Variants in BUB1B observed in about 807,000 individuals in gnomAD.
BUB1B encodes the protein mitotic checkpoint serine/threonine-protein kinase BUB1 beta.
In BUB1B, 86 loss-of-function variants were observed where a neutral mutation model predicts 137.7. The ratio of observed to expected loss-of-function variants is 0.62; its 90% CI spans 0.52 to 0.75. The LOEUF is 0.75. BUB1B is among the 30% of genes least tolerant of loss of function. The pLI is 0.00. For missense variants in BUB1B, 1,130 were observed against 1,236.9 expected, an observed-to-expected ratio of 0.91 and a Z score of 1.30; for synonymous variants, 420 against 417.9, an observed-to-expected ratio of 1.00 and a Z score of -0.06.
chr15:40,201,118 T>C (rs112864560), intron 12 of BUB1B, 138 bp downstream of exon 12: 2 of 706,550 alleles, frequency 2.8e-6, no homozygotes, highest in South Asian at 3.9e-5. Context: ...TATAAGCATA[T>C]GCTTTATGAT....
intron 9 of BUB1B, among the ~76,000 whole-genome samples, chr15:40,197,376 C>G (rs2037511454): frequency 6.6e-6 from 1 of 151,816 alleles, no homozygotes; most frequent in Non-Finnish European, 1.5e-5. Context: ...GATTCTGGAG[C>G]CTGGAGTACT....
At chr15:40,167,718 AAAC>A (rs1252318839) in intron 2 of BUB1B, among the ~76,000 whole-genome samples, 1 of 151,988 alleles carries the variant, frequency 6.6e-6, no homozygotes, top group African/African-American at 2.4e-5. Context: ...GGGTTGGAGT[AAAC>A]AAGTTTTTTT....
In BUB1B at chr15:40,183,894, T is replaced by C; in HGVS notation, c.751+11T>C. The C allele has an allele frequency of 6.2e-7, 1 of 1,613,658 alleles. No homozygotes were observed. The highest frequency in any genetic ancestry group is 1.1e-5 in the South Asian group (1 of 91,046). ...GAGGTGCTCTCAAGGGTAAGTTTGTTAAACGTTATTTCGGAAAACTGTTAG... is the reference window on the plus strand; with the variant it reads ...GAGGTGCTCTCAAGGGTAAGTTTGTCAAACGTTATTTCGGAAAACTGTTAG... On this transcript the variant is annotated intron_variant, in intron 6 of 22. Coordinates refer to ENST00000287598, the MANE Select transcript of BUB1B (RefSeq NM_001211.6).
At chr15:40,161,440 C>T (rs1762213864) in intron 1 of BUB1B, among the ~76,000 whole-genome samples, 185 bp downstream of exon 1, 1 of 152,094 alleles carries the variant, frequency 6.6e-6, no homozygotes, top group Non-Finnish European at 1.5e-5. Context: ...ACTGAGGGCA[C>T]GTGCGAATCC....
At chr15:40,204,744 C>T (rs935024918) in intron 14 of BUB1B, among the ~76,000 whole-genome samples, 1 of 151,764 alleles carries the variant, frequency 6.6e-6, no homozygotes, top group African/African-American at 2.4e-5. Flanking sequence ...TCAAGCATTC[C>T]TCCCACCTCA....
intron 1 of BUB1B, among the ~76,000 whole-genome samples, chr15:40,163,445 A>C (rs1444030476): frequency 6.6e-6 from 1 of 152,224 alleles, no homozygotes; most frequent in Non-Finnish European, 1.5e-5. Flanking sequence ...TGATAATCAT[A>C]TAAATGCATG....
At position 40,213,409 on chromosome 15, in the gene BUB1B, G is replaced by C; in HGVS notation, c.2613G>C (p.Glu871Asp). 1 of 1,614,024 alleles carries C rather than the reference G, an allele frequency of 6.2e-7. No homozygotes were observed. The highest frequency in any genetic ancestry group is 8.5e-7 in the Non-Finnish European group (1 of 1,179,888). ...LIIYNLLTIV[E>D]MLHKAEIVHG... Reference sequence around the variant, plus strand: ...TTTATAACCTTTTGACAATAGTGGAGATGCTACACAAAGCAGAAATAGTCC... The same window carrying C: ...TTTATAACCTTTTGACAATAGTGGACATGCTACACAAAGCAGAAATAGTCC... Residue 871 changes from glutamate (E) to aspartate (D), a missense_variant, in exon 20 of 23, where the codon GAG becomes GAC. Physicochemically the swap from Glu to Asp is conservative, Grantham distance 45. Transcript: ENST00000287598.
intron 6 of BUB1B, among the ~76,000 whole-genome samples, chr15:40,184,210 A>C (rs2037331957): frequency 6.6e-6 from 1 of 152,178 alleles, no homozygotes; most frequent in Non-Finnish European, 1.5e-5. Flanking sequence ...AGAGAATGAT[A>C]CTAATATGGT....
At chr15:40,183,916 T>A in intron 6 of BUB1B, 33 bp downstream of exon 6, 1 of 1,606,928 alleles carries the variant, frequency 6.2e-7, no homozygotes, top group East Asian at 2.2e-5. Flanking sequence ...CGGAAAACTG[T>A]TAGTTTCTAG....
At chr15:40,163,302 G>A (rs1341763512) in intron 1 of BUB1B, among the ~76,000 whole-genome samples, 1 of 152,160 alleles carries the variant, frequency 6.6e-6, no homozygotes, top group African/African-American at 2.4e-5. Context: ...GGCTGGGAGC[G>A]GTGGCTCACA....
intron 22 of BUB1B, among the ~76,000 whole-genome samples, chr15:40,219,963 T>C (rs1458761426): frequency 1.3e-5 from 2 of 152,146 alleles, no homozygotes; most frequent in Non-Finnish European, 2.9e-5. Context: ...GTAAGACATA[T>C]AGGATGGATA....
intron 9 of BUB1B, among the ~76,000 whole-genome samples, chr15:40,197,266 G>A (rs1038957280): frequency 6.6e-6 from 1 of 152,102 alleles, no homozygotes; most frequent in African/African-American, 2.4e-5. Context: ...TTAGATTATA[G>A]ATATTCGTAT....
intron 8 of BUB1B, among the ~76,000 whole-genome samples, chr15:40,189,496 G>A (rs28501335): frequency 0.081 from 12,366 of 152,220 alleles, 1,544 homozygotes; most frequent in African/African-American, 0.27. Flanking sequence ...CTTTCACTTA[G>A]GGTAGTGTTT....
At chr15:40,174,983 G>A (rs2037209221) in intron 4 of BUB1B, among the ~76,000 whole-genome samples, 1 of 151,934 alleles carries the variant, frequency 6.6e-6, no homozygotes, top group Admixed American at 6.6e-5. Context: ...GAAAAAAAAT[G>A]CTATTTTTAT....
chr15:40,216,333 G>T (rs1217192596), intron 20 of BUB1B, among the ~76,000 whole-genome samples: 3 of 151,858 alleles, frequency 2.0e-5, no homozygotes, highest in African/African-American at 7.3e-5. Context: ...AGCTACTCGG[G>T]AGGCTGAGAT....
At chr15:40,185,471 T>G (rs928269966) in intron 7 of BUB1B, 80 bp from the exon 8 acceptor site, 2 of 1,590,268 alleles carry the variant, frequency 1.3e-6, no homozygotes, top group Non-Finnish European at 1.7e-6. Flanking sequence ...TTAATTCCTC[T>G]TGAATATTTA....
chr15:40,193,248 T>C (rs865938509), intron 8 of BUB1B, among the ~76,000 whole-genome samples: 3 of 152,140 alleles, frequency 2.0e-5, no homozygotes, highest in African/African-American at 7.2e-5. Flanking sequence ...TTTTTCAAAG[T>C]AGCTATACTG....
chr15:40,196,912 T>C, intron 9 of BUB1B, 138 bp downstream of exon 9: 1 of 792,784 alleles, frequency 1.3e-6, no homozygotes, highest in Non-Finnish European at 2.0e-6. Flanking sequence ...TTTCTTTCTG[T>C]GTATCAGCCA....
At chr15:40,182,014 G>A (rs1318802687) in intron 5 of BUB1B, among the ~76,000 whole-genome samples, 1 of 152,236 alleles carries the variant, frequency 6.6e-6, no homozygotes, top group Non-Finnish European at 1.5e-5. Flanking sequence ...GACCAGCCTG[G>A]CCAATATGGT....
Sources: allele counts gnomAD v4.1 joint callset (sites outside exome capture counted in the v4.1 genomes callset), GRCh38; gene constraint gnomAD v4.1.1; transcripts MANE v1.5; gene names NCBI Gene and HGNC (gene_info 2026-07-23, HGNC 2026-07-21).